The following SCML2 variants were observed in gnomAD, a reference collection of about 807,000 sequenced individuals.
SCML2 encodes the protein Scm polycomb group protein like 2.
SCML2 carries 6 observed loss-of-function variants against 48.4 expected under a neutral mutation model. That is an observed-to-expected ratio of 0.12 (90% CI 0.07 to 0.24). The LOEUF (loss-of-function observed/expected upper bound fraction) is 0.24, where lower values mean the gene tolerates loss of function less well. Among genes scored for constraint, SCML2 ranks in the 10% least tolerant of loss-of-function variants. The pLI is 1.00. For synonymous variants in SCML2, 181 were observed against 189.5 expected, an observed-to-expected ratio of 0.95 and a Z score of 0.37; for missense variants, 377 against 528.2, an observed-to-expected ratio of 0.71 and a Z score of 2.81.
At chrX:18,249,980 C>T (rs755196168) in intron 11 of SCML2, among the ~76,000 whole-genome samples, 1 of 111,422 alleles carries the variant, frequency 9.0e-6, no homozygotes, top group African/African-American at 3.3e-5. Context: ...AACAAAGAAA[C>T]ACAGACTTTA....
chrX:18,326,738 G>A (rs1929493448), intron 3 of SCML2, among the ~76,000 whole-genome samples: 1 of 109,042 alleles, frequency 9.2e-6, no homozygotes, highest in Non-Finnish European at 1.9e-5. Context: ...CTTCCAGTAT[G>A]GCTCTACCTC....
chrX:18,251,981 T>C (rs189532101), intron 11 of SCML2, among the ~76,000 whole-genome samples: 121 of 112,475 alleles, frequency 1.1e-3, no homozygotes, highest in African/African-American at 3.7e-3. Flanking sequence ...TGGGTGAACC[T>C]TGAAAACATA....
At chrX:18,311,287 C>G (rs1316930100) in intron 6 of SCML2, among the ~76,000 whole-genome samples, 1 of 111,800 alleles carries the variant, frequency 8.9e-6, no homozygotes, top group Non-Finnish European at 1.9e-5. Flanking sequence ...GATATATTAA[C>G]AAGCAAAAAA....
At chrX:18,271,379 T>TAAC (rs753491416) in intron 7 of SCML2, among the ~76,000 whole-genome samples, 27 of 109,329 alleles carry the variant, frequency 2.5e-4, no homozygotes, top group South Asian at 8.1e-4. Context: ...TTCTGTCCTG[T>TAAC]AACAACAACA....
At chrX:18,328,067 G>A (rs1929541792) in intron 3 of SCML2, among the ~76,000 whole-genome samples, 2 of 111,366 alleles carry the variant, frequency 1.8e-5, no homozygotes, top group African/African-American at 6.5e-5. Context: ...ATCTCCTTGT[G>A]ATCTGATTGT....
At chrX:18,319,322 C>T (rs1929230522) in intron 6 of SCML2, among the ~76,000 whole-genome samples, 1 of 111,092 alleles carries the variant, frequency 9.0e-6, no homozygotes, top group African/African-American at 3.3e-5. Context: ...ACCCGGGAAG[C>T]CGAGATCACA....
intron 7 of SCML2, among the ~76,000 whole-genome samples, chrX:18,304,352 T>C (rs971908506): frequency 1.8e-5 from 2 of 111,961 alleles, no homozygotes; most frequent in African/African-American, 3.2e-5. Flanking sequence ...AACATCAACA[T>C]GTTGACAGCT....
intron 7 of SCML2, among the ~76,000 whole-genome samples, chrX:18,267,649 G>A (rs1328408443): frequency 2.1e-4 from 22 of 107,086 alleles, no homozygotes; most frequent in Non-Finnish European, 4.0e-4. Context: ...GCAGTGGCGC[G>A]ATCTCAGCTC....
intron 11 of SCML2, among the ~76,000 whole-genome samples, chrX:18,250,720 C>CAAGG (rs766243594): frequency 2.7e-3 from 303 of 110,526 alleles, no homozygotes; most frequent in African/African-American, 9.4e-3. Context: ...TAAATATTTT[C>CAAGG]AAGGACCTAA....
At chrX:18,260,128 A>G (rs760941834) in intron 9 of SCML2, 43 bp downstream of exon 9, 1 of 985,177 alleles carries the variant, frequency 1.0e-6, no homozygotes, top group African/African-American at 1.9e-5. Context: ...AATACAGGAT[A>G]AAAGATTAGT....
intron 1 of SCML2, among the ~76,000 whole-genome samples, chrX:18,346,946 T>C (rs1930217585): frequency 8.9e-6 from 1 of 111,874 alleles, no homozygotes; most frequent in Admixed American, 9.6e-5. Context: ...GTATATTCCA[T>C]TGTATAACCA....
At chrX:18,336,955 GAAT>G (rs1929840409) in intron 1 of SCML2, among the ~76,000 whole-genome samples, 1 of 110,727 alleles carries the variant, frequency 9.0e-6, no homozygotes, top group Non-Finnish European at 1.9e-5. Flanking sequence ...ACAAAAATAA[GAAT>G]AAAAAACAAG....
At chrX:18,350,320 C>T (rs1054937046) in intron 1 of SCML2, among the ~76,000 whole-genome samples, 2 of 108,040 alleles carry the variant, frequency 1.9e-5, no homozygotes, top group African/African-American at 3.4e-5. Flanking sequence ...TGCCTGTAAT[C>T]CCAGCACTTG....
At chrX:18,253,694 A>G (rs994847119) in intron 11 of SCML2, among the ~76,000 whole-genome samples, 2 of 111,958 alleles carry the variant, frequency 1.8e-5, no homozygotes, top group African/African-American at 3.2e-5. Context: ...AGACGTGTAT[A>G]GAATGTTCAT....
intron 5 of SCML2, 147 bp from the exon 6 acceptor site, chrX:18,320,567 G>A: frequency 2.7e-6 from 1 of 375,190 alleles, no homozygotes; most frequent in Admixed American, 4.2e-5. Context: ...AAGAGGAGCA[G>A]ATGTACCCTC....
intron 3 of SCML2, among the ~76,000 whole-genome samples, chrX:18,329,815 C>T (rs912994389): frequency 4.4e-5 from 5 of 112,517 alleles, no homozygotes; most frequent in Non-Finnish European, 7.5e-5. Context: ...CAGTGGCTCA[C>T]GCCTGTAATC....
chrX:18,300,228 G>A (rs192335960), intron 7 of SCML2, among the ~76,000 whole-genome samples: 256 of 106,500 alleles, frequency 2.4e-3, no homozygotes, highest in African/African-American at 8.4e-3. Flanking sequence ...GGTGAAACCC[G>A]GTCTCTACTA....
chrX:18,341,349 G>A (rs932391325), intron 1 of SCML2: 35 of 343,538 alleles, frequency 1.0e-4, no homozygotes, highest in Admixed American at 3.3e-4. Flanking sequence ...TTTCCTAAGA[G>A]CCTGGAGGAT....
At chrX:18,306,503 G>C (rs1245429185) in intron 6 of SCML2, among the ~76,000 whole-genome samples, 1 of 111,763 alleles carries the variant, frequency 8.9e-6, no homozygotes. Flanking sequence ...TTCAATTGTA[G>C]TATCACTATA....
Sources: gnomAD v4.1 joint callset for allele counts (sites outside exome capture counted in the v4.1 genomes callset) on GRCh38, gnomAD v4.1.1 for gene constraint, MANE v1.5 for transcripts, NCBI Gene and HGNC (gene_info 2026-07-23, HGNC 2026-07-21) for gene names.